The following TJP2 variants were observed in gnomAD, a reference collection of about 807,000 sequenced individuals.
TJP2 encodes tight junction protein 2, also known as Friedreich ataxia region gene X104 (tight junction protein ZO-2).
A neutral mutation model predicts 133.1 loss-of-function variants in TJP2; 91 were observed. That is an observed-to-expected ratio of 0.68 (90% CI 0.58 to 0.81). The LOEUF (loss-of-function observed/expected upper bound fraction) is 0.81, where lower values mean the gene tolerates loss of function less well. TJP2 is among the 40% of genes least tolerant of loss of function. TJP2 has a pLI of 0.00. For synonymous variants in TJP2, 592 were observed against 583.4 expected (o/e 1.01, Z -0.21); for missense variants, 1,541 against 1,565.6 (o/e 0.98, Z 0.26).
chr9:69,162,457 A>G (rs1163331332), intron 2 of TJP2, among the ~76,000 whole-genome samples: 1 of 152,170 alleles, frequency 6.6e-6, no homozygotes, highest in Non-Finnish European at 1.5e-5. Context: ...CTTACAAGCT[A>G]CTTATTTCCT....
chr9:69,252,026 C>T (rs1174811691), intron 21 of TJP2, among the ~76,000 whole-genome samples: 1 of 151,890 alleles, frequency 6.6e-6, no homozygotes, highest in African/African-American at 2.4e-5. Flanking sequence ...ACAGGGTCTC[C>T]CTCTGTCACC....
intron 1 of TJP2, among the ~76,000 whole-genome samples, chr9:69,191,288 CTT>C (rs1455268002): frequency 2.6e-5 from 4 of 152,162 alleles, no homozygotes; most frequent in African/African-American, 9.7e-5. Context: ...ACTGCAATGT[CTT>C]TGTATCATCA....
intron 1 of TJP2, among the ~76,000 whole-genome samples, chr9:69,133,546 CTTTTTTTTTT>C (rs10577570): frequency 8.6e-5 from 9 of 104,780 alleles, no homozygotes; most frequent in Admixed American, 1.1e-4. Flanking sequence ...ATTTTTCTGG[CTTTTTTTTTT>C]TTTTTTTTTT....
intron 1 of TJP2, among the ~76,000 whole-genome samples, chr9:69,129,234 T>A (rs142520375): frequency 1.9e-3 from 292 of 152,360 alleles, no homozygotes; most frequent in African/African-American, 6.5e-3. Flanking sequence ...TTGATTAACA[T>A]CTGTCAGGGC....
chr9:69,221,466 G>A lies in TJP2; in HGVS notation c.922G>A (p.Val308Ile). 6.3e-7 allele frequency: 1 copy of A among 1,599,888 alleles called. No individual in the cohort carries two copies. The highest frequency in any genetic ancestry group is 2.3e-5 in the East Asian group (1 of 44,404). Residue 308 changes from valine to isoleucine, a missense_variant, in exon 5 of 23, where the codon GTC becomes ATC. By Grantham distance (29) the Val-to-Ile change is conservative. Coordinates refer to ENST00000377245, the MANE Select transcript of TJP2 (RefSeq NM_004817.4). ...TAGGGGGCGGCCGGGGCCCATCGGGGTCCTCCTGATGAAAAGCAGAGCGAA... is the reference window on the plus strand; with the variant it reads ...TAGGGGGCGGCCGGGGCCCATCGGGATCCTCCTGATGAAAAGCAGAGCGAA... ...EPRGRPGPIG[V>I]LLMKSRANEE...
Position 69,212,469 on chromosome 9 carries a change from G to A in TJP2, c.61-79G>A, listed in dbSNP as rs932698763. On this transcript the variant is annotated intron_variant, in intron 1 of 22. Coordinates refer to ENST00000377245, the MANE Select transcript of TJP2 (RefSeq NM_004817.4). ...AGTGTGAGCTGGACTTTATGTCGAG[G>A]CATTTTGAATGATAATTTTATTTCT... 1.1e-5 allele frequency: 12 copies of A among 1,082,660 alleles called. No homozygotes were observed. The African/African-American group carries it at 1.9e-4, about 17-fold the overall frequency. 67.1% of individuals were successfully genotyped at this position (1,082,660 alleles called of 1,614,324 possible).
chr9:69,219,537 T>C (rs1828648186), intron 4 of TJP2, among the ~76,000 whole-genome samples: 1 of 152,178 alleles, frequency 6.6e-6, no homozygotes, highest in Non-Finnish European at 1.5e-5. Flanking sequence ...TTATCCGATC[T>C]AAGAAAAGTA....
At chr9:69,242,670 C>T (rs1042080915) in intron 17 of TJP2, among the ~76,000 whole-genome samples, 1 of 152,150 alleles carries the variant, frequency 6.6e-6, no homozygotes, top group African/African-American at 2.4e-5. Context: ...TGGTCTTTTA[C>T]AGTACTCTTC....
intron 1 of TJP2, chr9:69,205,145 A>T (rs765062007): frequency 2.6e-6 from 4 of 1,537,194 alleles, no homozygotes; most frequent in African/African-American, 2.7e-5. Flanking sequence ...GGCCTGGCCC[A>T]TGCATCTCCA....
rs150711376 is a variant in TJP2 at position 69,134,238 on chromosome 9, C to T, written c.-131+12513C>T. Among the ~76,000 whole-genome samples the T allele has an allele frequency of 2.7e-3, 408 of 152,266 alleles. 2 individuals are homozygous for T. Among genetic ancestry groups the T allele is most frequent in the African/African-American group, 9.0e-3 (373 of 41,552 alleles). On this transcript the variant is annotated intron_variant, in intron 1 of 5. Transcript: ENST00000423935. ...TGTGGAGTTGGACTGGAACACCCAA[C>T]GTGAAATGGATACAACGTCAGCAAA...
intron 2 of TJP2, among the ~76,000 whole-genome samples, chr9:69,213,399 A>G (rs1275124541): frequency 6.6e-6 from 1 of 152,050 alleles, no homozygotes; most frequent in Non-Finnish European, 1.5e-5. Flanking sequence ...CCTTCCGGTC[A>G]TCATCACTGT....
chr9:69,139,694 G>C (rs1396969524), intron 1 of TJP2, among the ~76,000 whole-genome samples: 1 of 152,214 alleles, frequency 6.6e-6, no homozygotes, highest in East Asian at 1.9e-4. Flanking sequence ...AAAACCAAGA[G>C]AGCTATTAAT....
chr9:69,163,875 G>C (rs536900342), intron 2 of TJP2, among the ~76,000 whole-genome samples: 109 of 152,188 alleles, frequency 7.2e-4, no homozygotes, highest in African/African-American at 2.1e-3. Flanking sequence ...TGTCCCTTTA[G>C]CAGAATTTCC....
chr9:69,236,438 G>T (rs1830197163), intron 13 of TJP2, among the ~76,000 whole-genome samples, 200 bp downstream of exon 13: 1 of 152,170 alleles, frequency 6.6e-6, no homozygotes, highest in South Asian at 2.1e-4. Context: ...AGCATCATGT[G>T]GTTGGTTGCT....
At chr9:69,144,022 A>T (rs1205050461) in intron 1 of TJP2, among the ~76,000 whole-genome samples, 4 of 152,054 alleles carry the variant, frequency 2.6e-5, no homozygotes, top group African/African-American at 4.8e-5. Flanking sequence ...TATTTTTTTG[A>T]GACAGAGTCT....
chr9:69,177,502 T>C (rs1011112173), intron 1 of TJP2, among the ~76,000 whole-genome samples: 1 of 152,176 alleles, frequency 6.6e-6, no homozygotes, highest in African/African-American at 2.4e-5. Context: ...GATGCCCATA[T>C]AGAAAGTGAA....
intron 2 of TJP2, among the ~76,000 whole-genome samples, chr9:69,154,049 A>C (rs1353028545): frequency 6.6e-6 from 1 of 152,204 alleles, no homozygotes; most frequent in Non-Finnish European, 1.5e-5. Context: ...CCTAAGAGGA[A>C]AGTATTAACT....
At chr9:69,251,560 A>G (rs773023505) in intron 21 of TJP2, among the ~76,000 whole-genome samples, 196 bp downstream of exon 21, 1 of 152,188 alleles carries the variant, frequency 6.6e-6, no homozygotes, top group Non-Finnish European at 1.5e-5. Context: ...AAACTTGACA[A>G]TATAGGGGAA....
At chr9:69,215,040 T>C (rs978995704) in intron 2 of TJP2, among the ~76,000 whole-genome samples, 2 of 152,168 alleles carry the variant, frequency 1.3e-5, no homozygotes, top group East Asian at 1.9e-4. Flanking sequence ...CTGGAGGCCA[T>C]TATCCTAAGC....
Sources: allele counts gnomAD v4.1 joint callset (sites outside exome capture counted in the v4.1 genomes callset), GRCh38; gene constraint gnomAD v4.1.1; transcripts MANE v1.5; gene names NCBI Gene and HGNC (gene_info 2026-07-23, HGNC 2026-07-21).